The following ATP7A variants were observed in gnomAD, a reference collection of about 807,000 sequenced individuals.
ATP7A encodes the protein ATPase copper transporting alpha.
ATP7A carries 7 observed loss-of-function variants against 83.5 expected under a neutral mutation model. The observed-to-expected ratio is 0.08, with a 90% CI of 0.05 to 0.16. The LOEUF is 0.16. Among genes scored for constraint, ATP7A ranks in the 10% least tolerant of loss-of-function variants. ATP7A has a pLI of 1.00. For missense variants in ATP7A, 940 were observed against 1,120.8 expected (o/e 0.84, Z 2.30); for synonymous variants, 354 against 395.2 (o/e 0.90, Z 1.24).
Position 78,049,597 on chromosome X carries a change from G to A in ATP7A, c.*3027G>A, listed in dbSNP as rs1182519955. 1 of 112,468 alleles carries A rather than the reference G, an allele frequency of 8.9e-6. No homozygotes were observed. Among genetic ancestry groups the A allele is most frequent in the Non-Finnish European group, 1.9e-5 (1 of 53,140 alleles). The allele number at this position is 112,468 out of a possible 1,213,427, so 9.3% of individuals were successfully genotyped here. ...GTGTGTCATTTGTGAAAATAGAAAC[G>A]TTATTTTTCCTAGTTTAGTATCAAC... On this transcript the variant is annotated 3_prime_UTR_variant, in exon 23 of 23. Coordinates refer to ENST00000341514, the MANE Select transcript of ATP7A (RefSeq NM_000052.7).
chrX:78,028,125 C>G (rs1274284409), intron 14 of ATP7A, among the ~76,000 whole-genome samples: 26 of 109,207 alleles, frequency 2.4e-4, no homozygotes, highest in African/African-American at 8.7e-4. Flanking sequence ...TGGGCTTAAG[C>G]GATTCTCTTA....
intron 1 of ATP7A, among the ~76,000 whole-genome samples, chrX:77,922,194 T>G (rs1380900447): frequency 9.0e-6 from 1 of 111,420 alleles, no homozygotes; most frequent in Non-Finnish European, 1.9e-5. Flanking sequence ...AATAGAATAG[T>G]ATATCATTTT....
intron 1 of ATP7A, among the ~76,000 whole-genome samples, chrX:77,946,295 G>C (rs1260552650): frequency 1.0e-5 from 1 of 96,343 alleles, no homozygotes; most frequent in East Asian, 3.2e-4. Context: ...GCGAGACTCT[G>C]TCTCAAAAAA....
chrX:77,955,731 A>G (rs1352538231), intron 1 of ATP7A, among the ~76,000 whole-genome samples: 2 of 111,286 alleles, frequency 1.8e-5, no homozygotes, highest in African/African-American at 6.5e-5. Flanking sequence ...TGTGCAATAA[A>G]AACACCAGAA....
intron 1 of ATP7A, among the ~76,000 whole-genome samples, chrX:77,941,402 AT>A (rs1449895926): frequency 3.6e-5 from 4 of 110,237 alleles, no homozygotes; most frequent in South Asian, 3.8e-4. Flanking sequence ...TGTCCTTAAA[AT>A]TTTTTTTTCT....
At chrX:78,040,322 A>G (rs1177731095) in intron 18 of ATP7A, among the ~76,000 whole-genome samples, 2 of 109,928 alleles carry the variant, frequency 1.8e-5, no homozygotes, top group Admixed American at 9.8e-5. Context: ...AGGGTCTTCT[A>G]ATATCCAGTA....
chrX:78,000,757 T>C (rs1412800377), intron 5 of ATP7A, among the ~76,000 whole-genome samples: 7 of 109,973 alleles, frequency 6.4e-5, no homozygotes, highest in African/African-American at 1.6e-4. Flanking sequence ...GTCTACCTCC[T>C]GGGTTCAAGC....
At chrX:77,916,285 G>A (rs1057164979) in intron 1 of ATP7A, among the ~76,000 whole-genome samples, 2 of 105,148 alleles carry the variant, frequency 1.9e-5, no homozygotes, top group African/African-American at 7.0e-5. Context: ...AGCCTGGGAG[G>A]TTGAGGCTGC....
chrX:77,912,232 T>A (rs2077164541), intron 1 of ATP7A, among the ~76,000 whole-genome samples: 1 of 111,757 alleles, frequency 8.9e-6, no homozygotes, highest in Admixed American at 9.6e-5. Flanking sequence ...TCACTAACGT[T>A]ATATATTAGA....
rs782123385 is a variant in ATP7A at position 77,939,289 on chromosome X, A to G, written c.-22+28454A>G. ...TCCAGCCTGGGTGACAGAGCAAGACACTGTCTCAAAAAAAAAAAAAGTACA... is the reference window on the plus strand; with the variant it reads ...TCCAGCCTGGGTGACAGAGCAAGACGCTGTCTCAAAAAAAAAAAAAGTACA... On this transcript the variant is annotated intron_variant, in intron 1 of 22. Transcript: ENST00000341514. Among the ~76,000 whole-genome samples the G allele has an allele frequency of 3.7e-5, 4 of 108,524 alleles. No individual in the cohort carries two copies. The East Asian group carries it at 8.7e-4, about 23-fold the overall frequency. The allele number at this position is 108,524 out of a possible 115,157, so 94.2% of individuals were successfully genotyped here. A position where few individuals can be genotyped will look rare whatever the true frequency, so the allele number is the denominator to read the frequency against.
chrX:78,046,360 T>C lies in ATP7A; in HGVS notation c.4293T>C (p.Pro1431=), dbSNP rs1569550372. 1 of 1,211,523 alleles carries C rather than the reference T, an allele frequency of 8.3e-7. No homozygotes were observed. Among genetic ancestry groups the C allele is most frequent in the Non-Finnish European group, 1.1e-6 (1 of 895,082 alleles). The change falls in exon 23 of 23, where the codon CCT becomes CCC. Residue 1431 remains proline (P), a synonymous_variant. Transcript: ENST00000341514. ...PARSQIGQKS[P]SEISVHVGID... ...GGAGCCAGATAGGACAGAAGAGTCC[T>C]TCAGAAATCAGCGTTCATGTTGGAA... is the stretch of plus-strand genomic sequence containing the variant.
At chrX:77,967,284 G>C (rs782756165) in intron 1 of ATP7A, among the ~76,000 whole-genome samples, 1 of 111,580 alleles carries the variant, frequency 9.0e-6, no homozygotes, top group East Asian at 2.8e-4. Context: ...GGGGTTGCTG[G>C]GTCAAATGGT....
chrX:77,988,043 T>C (rs2077648500), intron 2 of ATP7A, among the ~76,000 whole-genome samples, 199 bp from the exon 3 acceptor site: 1 of 111,638 alleles, frequency 9.0e-6, no homozygotes, highest in Non-Finnish European at 1.9e-5. Context: ...TATGTCTGCA[T>C]ATATAACTTT....
At chrX:77,957,337 G>A (rs376438543) in intron 1 of ATP7A, among the ~76,000 whole-genome samples, 4 of 109,810 alleles carry the variant, frequency 3.6e-5, no homozygotes, top group South Asian at 7.9e-4. Context: ...CCATTAACTC[G>A]TCATTGGAAA....
chrX:77,958,665 TC>T (rs1379956782), intron 1 of ATP7A, among the ~76,000 whole-genome samples: 1 of 111,190 alleles, frequency 9.0e-6, no homozygotes, highest in Non-Finnish European at 1.9e-5. Context: ...TTGCATTAAG[TC>T]TATAGATTGC....
chrX:78,009,569 T>C (rs1195815077), intron 7 of ATP7A, among the ~76,000 whole-genome samples: 1 of 112,234 alleles, frequency 8.9e-6, no homozygotes, highest in Non-Finnish European at 1.9e-5. Context: ...AAGATTCATA[T>C]TAGTTACTAA....
At chrX:78,026,449 G>T (rs1557236351) in intron 14 of ATP7A, among the ~76,000 whole-genome samples, 1 of 111,806 alleles carries the variant, frequency 8.9e-6, no homozygotes, top group East Asian at 2.8e-4. Flanking sequence ...AATACTGCTA[G>T]ACCTACAAAA....
chrX:77,928,043 A>G (rs948671056), intron 1 of ATP7A, among the ~76,000 whole-genome samples: 121 of 110,479 alleles, frequency 1.1e-3, no homozygotes, highest in African/African-American at 3.9e-3. Flanking sequence ...AGCTTCAATT[A>G]TGGCTCACTG....
At chrX:78,015,666 A>G in intron 11 of ATP7A, 88 bp from the exon 12 acceptor site, 8 of 1,138,948 alleles carry the variant, frequency 7.0e-6, no homozygotes, top group Non-Finnish European at 9.6e-6. Context: ...ATGGAGCCAC[A>G]AGCTTGACGT....
Sources: gnomAD v4.1 joint callset for allele counts (sites outside exome capture counted in the v4.1 genomes callset) on GRCh38, gnomAD v4.1.1 for gene constraint, MANE v1.5 for transcripts, NCBI Gene and HGNC (gene_info 2026-07-23, HGNC 2026-07-21) for gene names.